Variants in ADAMTS2 observed in about 807,000 individuals in gnomAD.
ADAMTS2 encodes the protein A disintegrin and metalloproteinase with thrombospondin motifs 2.
Under a neutral mutation model 123.0 loss-of-function variants are expected in ADAMTS2, and 50 were observed. The ratio of observed to expected loss-of-function variants is 0.41; its 90% confidence interval spans 0.32 to 0.51. The LOEUF (loss-of-function observed/expected upper bound fraction) is 0.51, where lower values mean the gene tolerates loss of function less well. Ranked by LOEUF, ADAMTS2 falls within the 20% of genes least tolerant of loss-of-function variation. The pLI is 0.35. For synonymous variants in ADAMTS2, 678 were observed against 695.4 expected, an observed-to-expected ratio of 0.98 and a Z score of 0.39; for missense variants, 1,494 against 1,705.2, an observed-to-expected ratio of 0.88 and a Z score of 2.18.
chr5:179,195,245 C>T lies in ADAMTS2; in HGVS notation c.891+12268G>A, dbSNP rs1365295762. Among the ~76,000 whole-genome samples, 4 of 152,204 alleles carry T rather than the reference C, an allele frequency of 2.6e-5. No individual in the cohort carries two copies. In the East Asian group the frequency reaches 7.7e-4, roughly 29 times the overall value. On this transcript the variant is annotated intron_variant, in intron 4 of 21. Transcript: ENST00000251582. ...GCTCCCAATCCCAGCATGCTCCTCC[C>T]ACACCCGTGCTCTACTGAGCACTTT...
At chr5:179,267,118 C>T (rs1454973526) in intron 3 of ADAMTS2, among the ~76,000 whole-genome samples, 1 of 152,198 alleles carries the variant, frequency 6.6e-6, no homozygotes, top group Admixed American at 6.5e-5. Context: ...AGGTCCGCCC[C>T]CACCCCCGCC....
In ADAMTS2 at chr5:179,126,008, A is replaced by G. The variant is rs781291282; in HGVS notation, c.2740T>C (p.Ser914Pro). The change falls in exon 18 of 22, where the codon TCC becomes CCC. Residue 914 changes from serine (S) to proline (P), a missense_variant. By Grantham distance (74) the Ser-to-Pro change is moderately conservative. Around this residue, in one of 6 missense-constraint regions of ADAMTS2, gnomAD observed 953 missense variants for 1,124.7 expected, o/e 0.85. Coordinates refer to ENST00000251582, the MANE Select transcript of ADAMTS2 (RefSeq NM_014244.5). ...GCTGGGGGCACTCACACTGGCTGGG[A>G]GCATTCCTGTGGGTTGCACGCTCTG... is the stretch of plus-strand genomic sequence containing the variant. ...IRRACNPQEC[S>P]QPVWVTGEWE... The G allele has an allele frequency of 2.5e-6, 4 of 1,613,214 alleles. No individual in the cohort carries two copies. Among genetic ancestry groups the G allele is most frequent in the Admixed American group, 1.7e-5 (1 of 60,022 alleles).
rs545682014 is a variant in ADAMTS2, at chr5:179,127,802, G to A, written c.2617+157C>T. On this transcript the variant is annotated intron_variant, in intron 17 of 21. Coordinates refer to ENST00000251582, the MANE Select transcript of ADAMTS2 (RefSeq NM_014244.5). ...GCACCCCCCTTCCTGCCCACCCACC[G>A]GCCCCTCCATTGCCGCTAAGCCCTT... 1.6e-4 allele frequency among the ~76,000 whole-genome samples: 22 copies of A among 135,722 alleles called. No individual in the cohort carries two copies. In the South Asian group the frequency reaches 4.6e-3, roughly 28 times the overall value. 89.0% of individuals were successfully genotyped at this position (135,722 alleles called of 152,430 possible).
chr5:179,272,872 G>T lies in ADAMTS2; in HGVS notation c.688+39C>A. The T allele has an allele frequency of 6.3e-7, 1 of 1,597,714 alleles. No individual in the cohort carries two copies. The highest frequency in any genetic ancestry group is 8.5e-7 in the Non-Finnish European group (1 of 1,175,944). On this transcript the variant is annotated intron_variant, in intron 3 of 21. Transcript: ENST00000251582. The surrounding 1 kb of genome is among the most constrained non-coding windows in gnomAD (Gnocchi z 5.8). ...CTCCCCTGGGGACCAGGGCCTCAGA[G>T]GGCTCTCCACACAGCCTGCCCACCT...
chr5:179,230,499 G>T (rs865864152), intron 3 of ADAMTS2, among the ~76,000 whole-genome samples: 1 of 148,472 alleles, frequency 6.7e-6, no homozygotes, highest in South Asian at 2.3e-4. Flanking sequence ...CGTTATGCCC[G>T]GGAGGGCTGT....
Position 179,234,182 on chromosome 5 carries a change from C to T in ADAMTS2, c.689-26467G>A, listed in dbSNP as rs1400939685. Reference sequence around the variant, plus strand: ...AGAAGAGACCCTCTCCTGCCACAGGCGCCCTCCCCATCAGATGCCAGAGAT... The same window carrying T: ...AGAAGAGACCCTCTCCTGCCACAGGTGCCCTCCCCATCAGATGCCAGAGAT... On this transcript the variant is annotated intron_variant, in intron 3 of 21. Coordinates refer to ENST00000251582, the MANE Select transcript of ADAMTS2 (RefSeq NM_014244.5). The surrounding 1 kb of genome is among the most constrained non-coding windows in gnomAD (Gnocchi z 4.7). Among the ~76,000 whole-genome samples the T allele has an allele frequency of 6.6e-6, 1 of 152,114 alleles. No individual in the cohort carries two copies. The highest frequency in any genetic ancestry group is 1.5e-5 in the Non-Finnish European group (1 of 68,010).
At position 179,216,928 on chromosome 5, in the gene ADAMTS2, G is replaced by C. The variant is rs540178768; in HGVS notation, c.689-9213C>G. 4.6e-5 allele frequency among the ~76,000 whole-genome samples: 7 copies of C among 152,344 alleles called. No homozygotes were observed. The East Asian group carries it at 1.4e-3, about 29-fold the overall frequency. On this transcript the variant is annotated intron_variant, in intron 3 of 21. Coordinates refer to ENST00000251582, the MANE Select transcript of ADAMTS2 (RefSeq NM_014244.5). ...AGGGGATCATGAGGAAGAGCACCAT[G>C]CGGCTCATATCCTAAAGATACAGGA...
At chr5:179,261,447 C>T (rs1766222482) in intron 3 of ADAMTS2, among the ~76,000 whole-genome samples, 1 of 152,220 alleles carries the variant, frequency 6.6e-6, no homozygotes, top group South Asian at 2.1e-4. Context: ...CATTTAGTCA[C>T]TCAGTAGGTG....
chr5:179,305,584 T>C (rs751727992), intron 2 of ADAMTS2, among the ~76,000 whole-genome samples: 37 of 151,512 alleles, frequency 2.4e-4, no homozygotes, highest in Non-Finnish European at 4.9e-4. Context: ...CATGCTCAAA[T>C]AGAAAAAGCA....
chr5:179,139,023 T>G (rs1763114874), intron 11 of ADAMTS2, among the ~76,000 whole-genome samples: 1 of 152,224 alleles, frequency 6.6e-6, no homozygotes. Flanking sequence ...GTCAATATTT[T>G]CAGGCAAATC....
Position 179,113,647 on chromosome 5 carries a change from C to T in ADAMTS2, c.*220G>A. 1 of 592,926 alleles carries T rather than the reference C, an allele frequency of 1.7e-6. No homozygotes were observed. Among genetic ancestry groups the T allele is most frequent in the Admixed American group, 2.9e-5 (1 of 34,930 alleles). 36.7% of individuals were successfully genotyped at this position (592,926 alleles called of 1,614,324 possible). A position where few individuals can be genotyped will look rare whatever the true frequency, so the allele number is the denominator to read the frequency against. ...TTCCTCTCCACTGCACACCTGACGC[C>T]ACCACAGTATTTGGTCGCTCCTGGG... On this transcript the variant is annotated 3_prime_UTR_variant, in exon 22 of 22. Transcript: ENST00000251582.
At position 179,225,818 on chromosome 5, in the gene ADAMTS2, C is replaced by G. The variant is rs902411862; in HGVS notation, c.689-18103G>C. Among the ~76,000 whole-genome samples the G allele has an allele frequency of 6.6e-6, 1 of 152,192 alleles. No homozygotes were observed. Among genetic ancestry groups the G allele is most frequent in the African/African-American group, 2.4e-5 (1 of 41,450 alleles). On this transcript the variant is annotated intron_variant, in intron 3 of 21. Transcript: ENST00000251582. The surrounding 1 kb of genome is among the most constrained non-coding windows in gnomAD (Gnocchi z 4.5). ...ACCTCGCACTCATTCTCCAAGCCCA[C>G]GTGTGATCTGATTCTTCCAGGACAT...
intron 10 of ADAMTS2, among the ~76,000 whole-genome samples, chr5:179,144,839 A>G (rs1763226721): frequency 6.6e-6 from 1 of 152,262 alleles, no homozygotes; most frequent in African/African-American, 2.4e-5. Context: ...TTTCTCAAAT[A>G]CAACACCAAA....
intron 4 of ADAMTS2, among the ~76,000 whole-genome samples, chr5:179,200,244 CTTTTTTTTTTTTT>C (rs1051856642): frequency 1.0e-3 from 108 of 103,696 alleles, no homozygotes; most frequent in Non-Finnish European, 1.7e-3. Context: ...CCTTTCTTTC[CTTTTTTTTTTTTT>C]TTTTTTTTTG....
chr5:179,246,605 C>G (rs1765806035), intron 3 of ADAMTS2, among the ~76,000 whole-genome samples: 1 of 152,108 alleles, frequency 6.6e-6, no homozygotes, highest in Non-Finnish European at 1.5e-5. Flanking sequence ...TAAGAAGACT[C>G]AAAAGTTTTC....
intron 3 of ADAMTS2, among the ~76,000 whole-genome samples, chr5:179,254,508 T>C (rs1169501036): frequency 6.6e-6 from 1 of 152,212 alleles, no homozygotes; most frequent in East Asian, 1.9e-4. Flanking sequence ...CACACTTTCA[T>C]ACTCATATGT....
chr5:179,257,600 A>G (rs933389098), intron 3 of ADAMTS2, among the ~76,000 whole-genome samples: 1 of 152,218 alleles, frequency 6.6e-6, no homozygotes, highest in South Asian at 2.1e-4. Context: ...GATGGGCTTC[A>G]TCGCTGCCTC....
intron 10 of ADAMTS2, among the ~76,000 whole-genome samples, chr5:179,147,301 C>G (rs573739028): frequency 6.6e-6 from 1 of 152,166 alleles, no homozygotes; most frequent in Admixed American, 6.5e-5. Context: ...GTTGGCCAGG[C>G]TGGTCTCGAA....
intron 4 of ADAMTS2, among the ~76,000 whole-genome samples, chr5:179,191,916 C>A (rs6859791): frequency 6.6e-6 from 1 of 151,978 alleles, no homozygotes; most frequent in East Asian, 1.9e-4. Flanking sequence ...CTCCTGCTGG[C>A]GAGGGCCAGG....
Sources: allele counts gnomAD v4.1 joint callset (sites outside exome capture counted in the v4.1 genomes callset), GRCh38; gene constraint gnomAD v4.1.1; regional missense constraint gnomAD v4.1.1; non-coding constraint Gnocchi (gnomAD v3.1); transcripts MANE v1.5; gene names NCBI Gene and HGNC (gene_info 2026-07-23, HGNC 2026-07-21).